The following CCDC7 variants were observed in gnomAD, a reference collection of about 807,000 sequenced individuals.
CCDC7 encodes the protein coiled-coil domain-containing protein 7.
CCDC7 carries 183 observed loss-of-function variants against 196.9 expected under a neutral mutation model. The observed-to-expected ratio is 0.93, with a 90% CI of 0.82 to 1.05. CCDC7 has a LOEUF of 1.05. CCDC7 is among the 50% of genes least tolerant of loss of function. The pLI is 0.00. For synonymous variants in CCDC7, 525 were observed against 484.6 expected (o/e 1.08, Z -1.10); for missense variants, 1,540 against 1,482.2 (o/e 1.04, Z -0.64).
At chr10:32,689,620 G>T (rs532255237) in intron 23 of CCDC7, among the ~76,000 whole-genome samples, 2 of 152,278 alleles carry the variant, frequency 1.3e-5, no homozygotes, top group Admixed American at 6.5e-5. Context: ...TTTGGTCATG[G>T]CCCCACTGAA....
intron 3 of CCDC7, 50 bp downstream of exon 4, chr10:32,456,384 G>T (rs1339638172): frequency 2.2e-6 from 3 of 1,387,454 alleles, no homozygotes; most frequent in Non-Finnish European, 2.9e-6. Flanking sequence ...ACTTGTACTG[G>T]TTGTTGAAAA....
intron 21 of CCDC7, among the ~76,000 whole-genome samples, chr10:32,669,470 C>CTT (rs1174391170): frequency 6.6e-6 from 1 of 152,058 alleles, no homozygotes; most frequent in Non-Finnish European, 1.5e-5. Context: ...ATTAATTCTT[C>CTT]TTAAAACATT....
chr10:32,865,402 T>C (rs2094165682), intron 41 of CCDC7, among the ~76,000 whole-genome samples: 1 of 148,830 alleles, frequency 6.7e-6, no homozygotes, highest in African/African-American at 2.5e-5. Flanking sequence ...ACTCCTATTA[T>C]ACACACACAC....
chr10:32,470,565 A>G (rs1331020035), intron 5 of CCDC7, among the ~76,000 whole-genome samples: 3 of 152,160 alleles, frequency 2.0e-5, no homozygotes, highest in African/African-American at 7.2e-5. Flanking sequence ...AAAGGTCTCA[A>G]GACAGCCAAA....
rs979197048 is a variant in CCDC7 at position 32,511,464 on chromosome 10, A to G, written c.873-6481A>G. 37 of 1,607,238 alleles carry G rather than the reference A, an allele frequency of 2.3e-5. 1 individual carries two copies. Among genetic ancestry groups the G allele is most frequent in the Non-Finnish European group, 2.6e-5 (30 of 1,174,044 alleles). On this transcript the variant is annotated intron_variant, in intron 9 of 41. Transcript: ENST00000639629. ...GTTATTTCCTTGACTCTGTTCATAT[A>G]TACTCTGATTCTTTCCAATTCCTGT...
chr10:32,653,887 A>G (rs1229331482), intron 20 of CCDC7, among the ~76,000 whole-genome samples: 2 of 152,148 alleles, frequency 1.3e-5, no homozygotes, highest in East Asian at 1.9e-4. Context: ...GGAACTTTTC[A>G]TTCACTATTT....
At chr10:32,871,579 GT>G (rs2094432851) in intron 41 of CCDC7, among the ~76,000 whole-genome samples, 1 of 151,562 alleles carries the variant, frequency 6.6e-6, no homozygotes. Context: ...TTTTTGAAGG[GT>G]TTTTTGTGTC....
intron 25 of CCDC7, among the ~76,000 whole-genome samples, chr10:32,715,346 A>G (rs532754678): frequency 6.6e-6 from 1 of 152,302 alleles, no homozygotes; most frequent in Admixed American, 6.5e-5. Flanking sequence ...AGAAAGCAAT[A>G]GTATCAACAT....
chr10:32,729,998 C>G (rs2083687068), intron 28 of CCDC7, among the ~76,000 whole-genome samples: 1 of 151,998 alleles, frequency 6.6e-6, no homozygotes, highest in South Asian at 2.1e-4. Context: ...TTAAAATCAG[C>G]TTGAATTTTA....
intron 11 of CCDC7, among the ~76,000 whole-genome samples, chr10:32,540,205 A>G (rs1018618387): frequency 6.6e-6 from 1 of 152,142 alleles, no homozygotes; most frequent in Admixed American, 6.5e-5. Flanking sequence ...GGGCGGTCCT[A>G]TGTTGGGTGT....
chr10:32,855,592 C>T (rs1263389548), intron 41 of CCDC7, among the ~76,000 whole-genome samples: 2 of 152,140 alleles, frequency 1.3e-5, no homozygotes, highest in Non-Finnish European at 2.9e-5. Flanking sequence ...GAATCTAATG[C>T]TGCCACTGAT....
intron 5 of CCDC7, among the ~76,000 whole-genome samples, chr10:32,469,370 A>G (rs1329085593): frequency 1.3e-5 from 2 of 152,212 alleles, no homozygotes; most frequent in Admixed American, 6.5e-5. Flanking sequence ...AATATCCCCA[A>G]TCATTCCCTC....
intron 8 of CCDC7, among the ~76,000 whole-genome samples, chr10:32,474,397 T>A (rs3006723): frequency 4.1e-5 from 5 of 121,704 alleles, no homozygotes; most frequent in Non-Finnish European, 1.0e-4. Flanking sequence ...CTAACTTTTG[T>A]ATTTTTTTTT....
chr10:32,584,904 C>T (rs770959136), intron 18 of CCDC7, among the ~76,000 whole-genome samples: 16 of 151,264 alleles, frequency 1.1e-4, no homozygotes, highest in Non-Finnish European at 1.8e-4. Context: ...ATATGACACC[C>T]GAAATTAATC....
At chr10:32,744,304 A>T (rs1391750513) in intron 28 of CCDC7, among the ~76,000 whole-genome samples, 1 of 152,124 alleles carries the variant, frequency 6.6e-6, no homozygotes, top group Non-Finnish European at 1.5e-5. Flanking sequence ...TAGAGAGACT[A>T]ACAAAATATT....
chr10:32,817,101 C>G (rs2088834982), intron 31 of CCDC7, among the ~76,000 whole-genome samples: 1 of 151,912 alleles, frequency 6.6e-6, no homozygotes, highest in African/African-American at 2.4e-5. Flanking sequence ...AAAAATTAGA[C>G]AAATGGCTAA....
intron 41 of CCDC7, among the ~76,000 whole-genome samples, chr10:32,856,757 C>T (rs1434857218): frequency 6.6e-6 from 1 of 152,138 alleles, no homozygotes; most frequent in Non-Finnish European, 1.5e-5. Flanking sequence ...GGGGCCTAAA[C>T]CTCTGGAAAA....
At position 32,560,690 on chromosome 10, in the gene CCDC7, A is replaced by G. The variant is rs1589888605; in HGVS notation, c.1135-4868A>G. 3.9e-5 allele frequency among the ~76,000 whole-genome samples: 6 copies of G among 152,422 alleles called. No homozygotes were observed. In the East Asian group the frequency reaches 1.2e-3, roughly 29 times the overall value. Reference sequence around the variant, plus strand: ...AAGGAAGCACTAAACATGGAAAGGAACAACTGGTACCAGCCACTGCAAAAA... The same window carrying G: ...AAGGAAGCACTAAACATGGAAAGGAGCAACTGGTACCAGCCACTGCAAAAA... On this transcript the variant is annotated intron_variant, in intron 13 of 41. Transcript: ENST00000639629.
At position 32,738,899 on chromosome 10, in the gene CCDC7, G is replaced by A. The variant is rs530322252; in HGVS notation, c.2905+9442G>A. Among the ~76,000 whole-genome samples, 7 of 151,252 alleles carry A rather than the reference G, an allele frequency of 4.6e-5. No homozygotes were observed. The East Asian group carries it at 1.4e-3, about 29-fold the overall frequency. On this transcript the variant is annotated intron_variant, in intron 28 of 41. Transcript: ENST00000639629. The stretch of plus-strand genomic sequence containing the variant: ...TATTTTCTTCCAATGCAAGGATACT[G>A]GCAACAAATTATGTCATTTTTTTTC...
Sources: allele counts gnomAD v4.1 joint callset (sites outside exome capture counted in the v4.1 genomes callset), GRCh38; gene constraint gnomAD v4.1.1; transcripts MANE v1.5; gene names NCBI Gene and HGNC (gene_info 2026-07-23, HGNC 2026-07-21).